Variants in NFATC3 observed in about 807,000 individuals in gnomAD.
NFATC3 encodes nuclear factor of activated T-cells, cytoplasmic 3.
In NFATC3, 46 loss-of-function variants were observed where a neutral mutation model predicts 98.6. That is an observed-to-expected ratio of 0.47 (90% CI 0.37 to 0.60). The LOEUF (loss-of-function observed/expected upper bound fraction) is 0.60. Ranked by LOEUF, NFATC3 falls within the 20% of genes least tolerant of loss-of-function variation. The pLI, the probability that NFATC3 is intolerant of heterozygous loss-of-function variation, is 0.00. For missense variants in NFATC3, 1,256 were observed against 1,295.5 expected, an observed-to-expected ratio of 0.97 and a Z score of 0.47; for synonymous variants, 512 against 472.2, an observed-to-expected ratio of 1.08 and a Z score of -1.09.
chr16:68,194,319 A>G (rs1175401676), intron 9 of NFATC3, among the ~76,000 whole-genome samples: 2 of 152,212 alleles, frequency 1.3e-5, no homozygotes, highest in Non-Finnish European at 2.9e-5. Context: ...ATGCATGTGC[A>G]CAATTTCACT....
chr16:68,166,777 G>C (rs1017376601), intron 4 of NFATC3, 66 bp from the exon 5 acceptor site: 52 of 1,241,566 alleles, frequency 4.2e-5, no homozygotes, highest in Non-Finnish European at 7.6e-6. Context: ...CAATTTCTAT[G>C]TAGTTGAGTT....
At chr16:68,125,937 G>A (rs1000928636) in intron 2 of NFATC3, among the ~76,000 whole-genome samples, 5 of 151,964 alleles carry the variant, frequency 3.3e-5, no homozygotes, top group African/African-American at 1.2e-4. Flanking sequence ...CTTTTGGCCA[G>A]GCTGGAGTGC....
chr16:68,179,815 T>C (rs1379702908), intron 6 of NFATC3, among the ~76,000 whole-genome samples: 1 of 152,092 alleles, frequency 6.6e-6, no homozygotes, highest in African/African-American at 2.4e-5. Flanking sequence ...AGTCAAGGGA[T>C]CCAACAAAAT....
rs929468552 is a variant in NFATC3 at position 68,122,333 on chromosome 16, T to C, written c.450T>C (p.Tyr150=). Residue 150 remains tyrosine (Y), a synonymous_variant, in exon 2 of 10, where the codon TAT becomes TAC. Transcript: ENST00000346183. ...AAAGGCCTTCTAGAGATCATCTCTA[T>C]CTTCCTCTTGAGCCATCCTACCGGG... ...FLERPSRDHL[Y]LPLEPSYRES... 2 of 1,614,040 alleles carry C rather than the reference T, an allele frequency of 1.2e-6. No homozygotes were observed. Among genetic ancestry groups the C allele is most frequent in the Non-Finnish European group, 1.7e-6 (2 of 1,180,028 alleles).
chr16:68,166,687 T>C (rs1292403943), intron 4 of NFATC3, among the ~76,000 whole-genome samples, 156 bp from the exon 5 acceptor site: 1 of 152,236 alleles, frequency 6.6e-6, no homozygotes, highest in Non-Finnish European at 1.5e-5. Flanking sequence ...ATGCCTAAAC[T>C]TCAGTTTAGC....
intron 1 of NFATC3, among the ~76,000 whole-genome samples, chr16:68,115,125 G>A (rs531432832): frequency 4.6e-5 from 7 of 151,356 alleles, no homozygotes; most frequent in African/African-American, 1.7e-4. Flanking sequence ...ATGCAGTGGT[G>A]CAATCTCAGC....
chr16:68,101,006 A>G (rs977205731), intron 1 of NFATC3, among the ~76,000 whole-genome samples: 2 of 151,948 alleles, frequency 1.3e-5, no homozygotes, highest in African/African-American at 2.4e-5. Flanking sequence ...TTCTATTAAT[A>G]GTATCTTTTG....
intron 9 of NFATC3, among the ~76,000 whole-genome samples, chr16:68,206,360 C>T (rs1395505931): frequency 1.3e-5 from 2 of 152,148 alleles, no homozygotes; most frequent in Non-Finnish European, 2.9e-5. Flanking sequence ...TTTTTCATCA[C>T]CCAAACTACA....
At chr16:68,164,063 G>GA (rs1416523692) in intron 4 of NFATC3, among the ~76,000 whole-genome samples, 1 of 152,142 alleles carries the variant, frequency 6.6e-6, no homozygotes, top group African/African-American at 2.4e-5. Context: ...CTGGGAGGTG[G>GA]AGGTTGTAGC....
chr16:68,121,242 C>CTTTTTTTTTTTTTTT (rs753615194), intron 1 of NFATC3, among the ~76,000 whole-genome samples: 130 of 102,256 alleles, frequency 1.3e-3, no homozygotes, highest in East Asian at 2.4e-3. Context: ...CTTTTCTTTT[C>CTTTTTTTTTTTTTTT]TTTTTTTTTT....
intron 1 of NFATC3, among the ~76,000 whole-genome samples, chr16:68,088,213 A>G (rs1215002791): frequency 6.6e-6 from 1 of 151,460 alleles, no homozygotes; most frequent in Non-Finnish European, 1.5e-5. Context: ...TTATTTTTGG[A>G]TTCTCTTCCT....
At chr16:68,158,795 G>T (rs764126124) in intron 4 of NFATC3, among the ~76,000 whole-genome samples, 15 of 152,122 alleles carry the variant, frequency 9.9e-5, no homozygotes, top group Admixed American at 5.2e-4. Context: ...TGTGGAGGAA[G>T]GGTAAAAGGG....
intron 3 of NFATC3, among the ~76,000 whole-genome samples, chr16:68,136,370 C>T (rs1388312772): frequency 6.6e-6 from 1 of 152,020 alleles, no homozygotes; most frequent in Non-Finnish European, 1.5e-5. Flanking sequence ...TGGGCTCAAG[C>T]GATCCTCTCC....
At chr16:68,100,227 T>G (rs1273765946) in intron 1 of NFATC3, among the ~76,000 whole-genome samples, 1 of 152,042 alleles carries the variant, frequency 6.6e-6, no homozygotes, top group Non-Finnish European at 1.5e-5. Flanking sequence ...TTTTCTGGTA[T>G]AAATACCCAG....
At chr16:68,218,910 T>G (rs1487251220) in intron 9 of NFATC3, among the ~76,000 whole-genome samples, 1 of 151,908 alleles carries the variant, frequency 6.6e-6, no homozygotes, top group Non-Finnish European at 1.5e-5. Context: ...CATGTAGGCT[T>G]CATTTTTAAA....
At chr16:68,142,380 G>C (rs1354355461) in intron 3 of NFATC3, among the ~76,000 whole-genome samples, 1 of 152,118 alleles carries the variant, frequency 6.6e-6, no homozygotes, top group African/African-American at 2.4e-5. Flanking sequence ...TTCTTAGCTT[G>C]GTTGTTGTTG....
intron 9 of NFATC3, chr16:68,209,600 G>T: frequency 2.8e-6 from 1 of 353,268 alleles, no homozygotes; most frequent in Non-Finnish European, 5.6e-6. Context: ...CCCATCTTTT[G>T]TGTGTTTGCA....
rs374727303 is a variant in NFATC3 at position 68,227,814 on chromosome 16, C to T, written c.*1343C>T. Reference sequence around the variant, plus strand: ...TGGGTACTTTAAAAAAAAAAAAAACCTGCCCTTACCCCTCTCCCTAATGGG... The same window carrying T: ...TGGGTACTTTAAAAAAAAAAAAAACTTGCCCTTACCCCTCTCCCTAATGGG... On this transcript the variant is annotated 3_prime_UTR_variant, in exon 10 of 10. Transcript: ENST00000346183. 2.0e-5 allele frequency: 3 copies of T among 152,014 alleles called. No individual in the cohort carries two copies. In the East Asian group the frequency reaches 5.8e-4, roughly 29 times the overall value. 9.4% of individuals were successfully genotyped at this position (152,014 alleles called of 1,614,324 possible). A position where few individuals can be genotyped will look rare whatever the true frequency, so the allele number is the denominator to read the frequency against.
chr16:68,126,748 G>A, intron 3 of NFATC3, 138 bp downstream of exon 3: 1 of 706,976 alleles, frequency 1.4e-6, no homozygotes, highest in Non-Finnish European at 2.3e-6. Context: ...GGGGCTTGTT[G>A]ATGTGACTAC....
Sources: allele counts gnomAD v4.1 joint callset (sites outside exome capture counted in the v4.1 genomes callset), GRCh38; gene constraint gnomAD v4.1.1; transcripts MANE v1.5; gene names NCBI Gene and HGNC (gene_info 2026-07-23, HGNC 2026-07-21).